PDS5B: variants seen among roughly 807,000 people sequenced by gnomAD.
PDS5B encodes the protein sister chromatid cohesion protein PDS5 homolog B.
Under a neutral mutation model 184.1 loss-of-function variants are expected in PDS5B, and 51 were observed. The ratio of observed to expected loss-of-function variants is 0.28; its 90% CI spans 0.22 to 0.35. PDS5B has a LOEUF of 0.35. Among genes scored for constraint, PDS5B ranks in the 10% least tolerant of loss-of-function variants. PDS5B has a pLI of 1.00. For missense variants in PDS5B, 1,180 were observed against 1,723.3 expected (o/e 0.68, Z 5.58); for synonymous variants, 566 against 569.2 (o/e 0.99, Z 0.08).
intron 1 of PDS5B, among the ~76,000 whole-genome samples, chr13:32,588,740 T>G (rs1332380539): frequency 6.6e-6 from 1 of 152,252 alleles, no homozygotes; most frequent in Non-Finnish European, 1.5e-5. Context: ...TTAAGCTTAT[T>G]TGTAATAAGA....
rs186776734 is a variant in PDS5B, at chr13:32,753,626, T to C, written c.2941+90T>C. The C allele has an allele frequency of 4.8e-4, 373 of 772,942 alleles. 1 individual carries two copies. In the East Asian group the frequency reaches 9.7e-3, roughly 20 times the overall value. 47.9% of individuals were successfully genotyped at this position (772,942 alleles called of 1,614,324 possible). A position where few individuals can be genotyped will look rare whatever the true frequency, so the allele number is the denominator to read the frequency against. On this transcript the variant is annotated intron_variant, in intron 25 of 34. Transcript: ENST00000315596. The stretch of plus-strand genomic sequence containing the variant: ...AGCATGATATATGATATTACTGTTA[T>C]TTATTATTTGTGATTAACAATTTTT...
intron 13 of PDS5B, chr13:32,691,411 A>G (rs1427907446): frequency 6.6e-6 from 1 of 152,100 alleles, no homozygotes; most frequent in African/African-American, 2.4e-5. Context: ...GATATGAGAA[A>G]TTTGAGTCAA....
intron 31 of PDS5B, among the ~76,000 whole-genome samples, chr13:32,766,023 C>T (rs1032622282): frequency 1.3e-5 from 2 of 152,192 alleles, no homozygotes; most frequent in Non-Finnish European, 2.9e-5. Flanking sequence ...AGCTTGGAAA[C>T]AATCTTGTTA....
intron 1 of PDS5B, among the ~76,000 whole-genome samples, chr13:32,622,711 T>G (rs1264449430): frequency 6.6e-6 from 1 of 152,254 alleles, no homozygotes; most frequent in Non-Finnish European, 1.5e-5. Flanking sequence ...GTTTAATAGC[T>G]GATATAAATT....
intron 3 of PDS5B, among the ~76,000 whole-genome samples, chr13:32,656,368 G>C (rs945479734): frequency 1.5e-5 from 2 of 130,238 alleles, no homozygotes; most frequent in African/African-American, 2.9e-5. Flanking sequence ...CTAATTTTGT[G>C]AAGAATGTTC....
At chr13:32,679,026 G>T (rs1027575942) in intron 10 of PDS5B, 97 bp downstream of exon 10, 57 of 607,824 alleles carry the variant, frequency 9.4e-5, no homozygotes, top group Non-Finnish European at 1.6e-4. Flanking sequence ...TTCGGGGGTG[G>T]TAGGTGAAGT....
chr13:32,730,067 T>G (rs1953055870), intron 19 of PDS5B, among the ~76,000 whole-genome samples: 1 of 152,242 alleles, frequency 6.6e-6, no homozygotes, highest in Non-Finnish European at 1.5e-5. Flanking sequence ...CTAAGGTTTT[T>G]TATGGTTTTA....
chr13:32,670,192 G>A (rs902629721), intron 7 of PDS5B, among the ~76,000 whole-genome samples: 1 of 151,644 alleles, frequency 6.6e-6, no homozygotes, highest in Admixed American at 6.6e-5. Flanking sequence ...CACTGTGGTG[G>A]TATAGGTTAT....
chr13:32,706,324 A>AAATT (rs1411151067), intron 17 of PDS5B, among the ~76,000 whole-genome samples: 1 of 149,160 alleles, frequency 6.7e-6, no homozygotes, highest in Non-Finnish European at 1.5e-5. Context: ...ATAAATAAAT[A>AAATT]AAATAACATA....
At chr13:32,622,157 T>C (rs2058311633) in intron 1 of PDS5B, among the ~76,000 whole-genome samples, 1 of 152,120 alleles carries the variant, frequency 6.6e-6, no homozygotes, top group Non-Finnish European at 1.5e-5. Context: ...ATTTTATTCT[T>C]CATTTCTTTT....
chr13:32,716,990 G>A lies in PDS5B; in HGVS notation c.2123+6884G>A, dbSNP rs1285234392. Among the ~76,000 whole-genome samples the A allele has an allele frequency of 5.5e-4, 70 of 127,536 alleles. 1 individual carries two copies. The highest frequency in any genetic ancestry group is 2.3e-3 in the Admixed American group (31 of 13,694). 83.7% of individuals were successfully genotyped at this position (127,536 alleles called of 152,430 possible). A position where few individuals can be genotyped will look rare whatever the true frequency, so the allele number is the denominator to read the frequency against. On this transcript the variant is annotated intron_variant, in intron 19 of 34. Transcript: ENST00000315596. ...AGGTGGGGGGGTCAGTCCCCCGCCC[G>A]GCCAGCTGCCCCGTCCGGGAGGGAG... is the stretch of plus-strand genomic sequence containing the variant.
chr13:32,640,088 T>C (rs1372644974), intron 1 of PDS5B, among the ~76,000 whole-genome samples: 1 of 152,226 alleles, frequency 6.6e-6, no homozygotes, highest in Non-Finnish European at 1.5e-5. Flanking sequence ...GTCTCTTGTT[T>C]AGTTACATCT....
intron 1 of PDS5B, among the ~76,000 whole-genome samples, chr13:32,642,313 G>C (rs1252356292): frequency 1.3e-5 from 2 of 152,162 alleles, no homozygotes. Flanking sequence ...CTAGCAGATA[G>C]ATGCTAGCAT....
At chr13:32,654,554 G>T (rs1230379112) in intron 3 of PDS5B, among the ~76,000 whole-genome samples, 1 of 151,906 alleles carries the variant, frequency 6.6e-6, no homozygotes, top group Non-Finnish European at 1.5e-5. Context: ...TGTGTTTTAG[G>T]TGCAGGGGTA....
intron 19 of PDS5B, among the ~76,000 whole-genome samples, chr13:32,713,303 C>T (rs529135659): frequency 6.6e-6 from 1 of 152,194 alleles, no homozygotes; most frequent in African/African-American, 2.4e-5. Flanking sequence ...ATAGCAAAGC[C>T]AGAGAGAATT....
Position 32,770,304 on chromosome 13 carries a change from C to G in PDS5B, c.3808C>G (p.Leu1270Val). The G allele has an allele frequency of 6.2e-7, 1 of 1,613,564 alleles. No homozygotes were observed. The highest frequency in any genetic ancestry group is 8.5e-7 in the Non-Finnish European group (1 of 1,179,906). ...DEQQWPEEKRLKEDILENEDE... is the reference protein window; with the variant it reads ...DEQQWPEEKRVKEDILENEDE... ...ACAGCAGTGGCCTGAGGAAAAGAGG[C>G]TCAAAGAAGATATATTAGAAAATGA... The change falls in exon 32 of 35, where the codon CTC (leucine) becomes GTC (valine). Residue 1270 changes from leucine to valine, a missense_variant. Physicochemically the swap from Leu to Val is conservative, Grantham distance 32. This residue lies in a region of PDS5B where 465 missense variants were observed against 497.8 expected (regional missense o/e 0.93). Coordinates refer to ENST00000315596, the MANE Select transcript of PDS5B (RefSeq NM_015032.4).
intron 30 of PDS5B, among the ~76,000 whole-genome samples, chr13:32,761,177 G>A (rs537458977): frequency 4.6e-5 from 7 of 152,206 alleles, no homozygotes; most frequent in African/African-American, 1.4e-4. Context: ...GTTTTTATAT[G>A]CATAGAAAGT....
chr13:32,623,724 TA>T (rs199679545), intron 1 of PDS5B, among the ~76,000 whole-genome samples: 1,730 of 152,170 alleles, frequency 0.011, 15 homozygotes, highest in Middle Eastern at 0.017. Context: ...TTTTTAGTTT[TA>T]AAAAAAGTTT....
intron 20 of PDS5B, among the ~76,000 whole-genome samples, chr13:32,732,773 A>G (rs908386472): frequency 2.0e-5 from 3 of 152,126 alleles, no homozygotes; most frequent in Admixed American, 2.0e-4. Flanking sequence ...GCCTATTGTA[A>G]TTAGAACCTA....
Sources: allele counts gnomAD v4.1 joint callset (sites outside exome capture counted in the v4.1 genomes callset), GRCh38; gene constraint gnomAD v4.1.1; regional missense constraint gnomAD v4.1.1; transcripts MANE v1.5; gene names NCBI Gene and HGNC (gene_info 2026-07-23, HGNC 2026-07-21).